CDH13: variants seen among roughly 807,000 people sequenced by gnomAD.
The protein encoded by CDH13 is cadherin-13.
Under a neutral mutation model 63.8 loss-of-function variants are expected in CDH13, and 24 were observed. The ratio of observed to expected loss-of-function variants is 0.38; its 90% CI spans 0.27 to 0.53. The LOEUF (loss-of-function observed/expected upper bound fraction) is 0.53. Ranked by LOEUF, CDH13 falls within the 20% of genes least tolerant of loss-of-function variation. The probability of loss-of-function intolerance (pLI) is 0.85; values close to 1 mark genes in which losing one functional copy is unlikely to be tolerated. For missense variants in CDH13, 1,049 were observed against 903.1 expected (o/e 1.16, Z -2.07); for synonymous variants, 503 against 355.3 (o/e 1.42, Z -4.67).
At chr16:82,632,324 A>G (rs1908111700) in intron 1 of CDH13, among the ~76,000 whole-genome samples, 1 of 152,220 alleles carries the variant, frequency 6.6e-6, no homozygotes, top group African/African-American at 2.4e-5. Flanking sequence ...CTATTTGGAA[A>G]GGGAGGGACT....
chr16:83,217,383 G>A lies in CDH13; in HGVS notation c.522G>A (p.Arg174=), dbSNP rs761344850. The A allele has an allele frequency of 2.1e-5, 34 of 1,613,852 alleles. No homozygotes were observed. In the Middle Eastern group the frequency reaches 6.6e-4, roughly 31 times the overall value. Residue 174 remains arginine (R), a synonymous_variant, in exon 5 of 14, where the codon CGG becomes CGA. Coordinates refer to ENST00000567109, the MANE Select transcript of CDH13 (RefSeq NM_001257.5). ...ACAGGCCAGAAAGGTCCAAGTTCCG[G>A]CTCACTGGAAAGGGAGTGGATCAAG... ...DSDRPERSKF[R]LTGKGVDQEP...
Position 82,858,369 on chromosome 16 carries a change from T to G in CDH13, c.53T>G (p.Leu18Arg). Reference protein sequence around the residue: ...VLCVLLSQVLLLTSAEDLDCT... With the variant: ...VLCVLLSQVLRLTSAEDLDCT... Reference sequence around the variant, plus strand: ...TGGCTTTGGTTTTCTCAGGTGCTGCTGCTAACATCTGCAGAAGATTTGGAC... The same window carrying G: ...TGGCTTTGGTTTTCTCAGGTGCTGCGGCTAACATCTGCAGAAGATTTGGAC... The change falls in exon 2 of 14, where the codon CTG becomes CGG. Residue 18 changes from leucine (L) to arginine (R), a missense_variant. By Grantham distance (102) the Leu-to-Arg change is moderately radical. Transcript: ENST00000567109. 6.2e-7 allele frequency: 1 copy of G among 1,610,494 alleles called. No individual in the cohort carries two copies.
At chr16:83,193,404 C>T (rs372396241) in intron 4 of CDH13, among the ~76,000 whole-genome samples, 5 of 152,140 alleles carry the variant, frequency 3.3e-5, no homozygotes, top group Admixed American at 6.5e-5. Context: ...ATGCCAGTTG[C>T]GAGCCCCAAA....
At chr16:83,522,902 A>C (rs1446208317) in intron 7 of CDH13, among the ~76,000 whole-genome samples, 3 of 152,174 alleles carry the variant, frequency 2.0e-5, no homozygotes, top group Admixed American at 6.5e-5. Context: ...GGCTCTTCCC[A>C]GTGTGACTCC....
chr16:82,834,802 A>G (rs996685948), intron 1 of CDH13, among the ~76,000 whole-genome samples: 2 of 152,244 alleles, frequency 1.3e-5, no homozygotes, highest in Admixed American at 6.5e-5. Context: ...CTGAGGGCCA[A>G]ATCCAGCCTG....
intron 2 of CDH13, among the ~76,000 whole-genome samples, chr16:83,003,400 A>G (rs547651329): frequency 6.7e-6 from 1 of 150,270 alleles, no homozygotes; most frequent in Admixed American, 6.6e-5. Flanking sequence ...TTTTTTTTTT[A>G]ATTTTCTATC....
intron 6 of CDH13, among the ~76,000 whole-genome samples, chr16:83,413,698 C>A (rs993399891): frequency 6.6e-6 from 1 of 152,146 alleles, no homozygotes; most frequent in Non-Finnish European, 1.5e-5. Flanking sequence ...CATCTAAATG[C>A]TGCTGTCTGC....
At chr16:82,831,640 C>T (rs1405243833) in intron 1 of CDH13, among the ~76,000 whole-genome samples, 1 of 152,136 alleles carries the variant, frequency 6.6e-6, no homozygotes, top group Admixed American at 6.5e-5. Flanking sequence ...ATAACAATAA[C>T]GTCCAGGTCA....
At chr16:82,694,143 C>G (rs898984509) in intron 1 of CDH13, among the ~76,000 whole-genome samples, 1 of 152,210 alleles carries the variant, frequency 6.6e-6, no homozygotes, top group African/African-American at 2.4e-5. Flanking sequence ...AATTTATTCA[C>G]TTGCATATAG....
chr16:83,231,072 A>T (rs1266770149), intron 5 of CDH13, among the ~76,000 whole-genome samples: 1 of 152,168 alleles, frequency 6.6e-6, no homozygotes, highest in African/African-American at 2.4e-5. Flanking sequence ...TCAGAGCAAG[A>T]CCTGGTGCTA....
chr16:82,868,675 C>T (rs150942075), intron 2 of CDH13, among the ~76,000 whole-genome samples: 1 of 152,354 alleles, frequency 6.6e-6, no homozygotes, highest in East Asian at 1.9e-4. Context: ...AGGTATCACA[C>T]TGTCAGCCTT....
chr16:83,626,012 T>A (rs1437910707), intron 8 of CDH13, among the ~76,000 whole-genome samples: 1 of 95,980 alleles, frequency 1.0e-5, no homozygotes, highest in Non-Finnish European at 2.0e-5. Context: ...AGCTTGCTTC[T>A]TTTTTTTTTT....
intron 4 of CDH13, among the ~76,000 whole-genome samples, chr16:83,150,555 C>G (rs1032501911): frequency 3.3e-5 from 5 of 152,232 alleles, no homozygotes; most frequent in African/African-American, 9.6e-5. Flanking sequence ...CTGCCTGTGT[C>G]TTGTTGATCC....
At chr16:82,689,982 TAA>T (rs71146085) in intron 1 of CDH13, among the ~76,000 whole-genome samples, 2 of 15,778 alleles carry the variant, frequency 1.3e-4, no homozygotes, top group East Asian at 2.2e-3. Flanking sequence ...CCATCTCTAC[TAA>T]AAAAAAAAAA....
At chr16:83,271,450 A>AAAAAAAAAAAAAAAC in intron 5 of CDH13, among the ~76,000 whole-genome samples, 1 of 137,116 alleles carries the variant, frequency 7.3e-6, no homozygotes, top group African/African-American at 2.7e-5. Context: ...AAAAAAAAAA[A>AAAAAAAAAAAAAAAC]AATTCATGGT....
chr16:82,959,238 A>G (rs1356373835), intron 2 of CDH13, among the ~76,000 whole-genome samples: 1 of 152,246 alleles, frequency 6.6e-6, no homozygotes, highest in African/African-American at 2.4e-5. Context: ...TGTTTTGTTT[A>G]AAAAGATGAC....
At chr16:83,436,400 G>T (rs1011096052) in intron 6 of CDH13, among the ~76,000 whole-genome samples, 5 of 152,074 alleles carry the variant, frequency 3.3e-5, no homozygotes, top group Non-Finnish European at 5.9e-5. Context: ...GAGCCTGAGA[G>T]TTCAAGGCTG....
At chr16:83,346,530 A>G (rs1296196693) in intron 6 of CDH13, among the ~76,000 whole-genome samples, 1 of 152,174 alleles carries the variant, frequency 6.6e-6, no homozygotes, top group Non-Finnish European at 1.5e-5. Context: ...ATGGGCTGGG[A>G]AAGTGTTCTA....
chr16:82,902,381 G>T (rs1188775897), intron 2 of CDH13, among the ~76,000 whole-genome samples: 1 of 146,724 alleles, frequency 6.8e-6, no homozygotes, highest in Non-Finnish European at 1.5e-5. Flanking sequence ...ATGAAGCCAG[G>T]TTAGGAGAAA....
Sources: gnomAD v4.1 joint callset for allele counts (sites outside exome capture counted in the v4.1 genomes callset) on GRCh38, gnomAD v4.1.1 for gene constraint, MANE v1.5 for transcripts, NCBI Gene and HGNC (gene_info 2026-07-23, HGNC 2026-07-21) for gene names.